STX8: variants seen among roughly 807,000 people sequenced by gnomAD.
STX8 encodes syntaxin 8, also known as syntaxin-8.
STX8 carries 23 observed loss-of-function variants against 37.5 expected under a neutral mutation model. That is an observed-to-expected ratio of 0.61 (90% CI 0.44 to 0.87). The LOEUF (loss-of-function observed/expected upper bound fraction) is 0.87, where lower values mean the gene tolerates loss of function less well. Ranked by LOEUF, STX8 falls within the 40% of genes least tolerant of loss-of-function variation. The pLI is 0.00. For missense variants in STX8, 313 were observed against 284.7 expected (o/e 1.10, Z -0.71); for synonymous variants, 115 against 99.1 (o/e 1.16, Z -0.95).
intron 7 of STX8, among the ~76,000 whole-genome samples, chr17:9,298,678 G>A (rs1376633999): frequency 6.6e-6 from 1 of 152,154 alleles, no homozygotes; most frequent in Non-Finnish European, 1.5e-5. Context: ...CGGGTGTGGT[G>A]GCGGACATCT....
intron 7 of STX8, among the ~76,000 whole-genome samples, chr17:9,255,293 A>G (rs1471414599): frequency 2.6e-5 from 3 of 116,360 alleles, no homozygotes; most frequent in African/African-American, 8.4e-5. Context: ...TTGGGAGGCC[A>G]AGGCGGGCGG....
intron 6 of STX8, among the ~76,000 whole-genome samples, chr17:9,442,921 GT>G (rs921527239): frequency 6.6e-6 from 1 of 152,138 alleles, no homozygotes; most frequent in African/African-American, 2.4e-5. Flanking sequence ...AGTCAGTCAG[GT>G]ATGGATGATA....
intron 6 of STX8, among the ~76,000 whole-genome samples, chr17:9,418,154 C>T (rs1400415593): frequency 6.6e-6 from 1 of 152,178 alleles, no homozygotes; most frequent in African/African-American, 2.4e-5. Context: ...GCCCTTCAAA[C>T]TGTGGAGTCT....
intron 7 of STX8, among the ~76,000 whole-genome samples, chr17:9,370,689 C>T (rs1306029464): frequency 1.3e-5 from 2 of 152,186 alleles, no homozygotes; most frequent in African/African-American, 4.8e-5. Flanking sequence ...CAAGACTGTA[C>T]ATCCACCCGA....
In STX8 at chr17:9,463,000, T is replaced by C. The variant is rs1304738659; in HGVS notation, c.541+28829A>G. On this transcript the variant is annotated intron_variant, in intron 6 of 7. Coordinates refer to ENST00000306357, the MANE Select transcript of STX8 (RefSeq NM_004853.3). ...CCTTATAAAGTCCAAGGAATAATAT[T>C]CATCCACCCTGGCAGGAAAGGTAAA... Among the ~76,000 whole-genome samples the C allele has an allele frequency of 6.6e-5, 10 of 152,128 alleles. 1 individual carries two copies.
At chr17:9,263,716 G>A (rs1217385179) in intron 7 of STX8, among the ~76,000 whole-genome samples, 2 of 152,188 alleles carry the variant, frequency 1.3e-5, no homozygotes, top group Admixed American at 6.5e-5. Context: ...ACGTGTACAC[G>A]AATTTCTGTA....
chr17:9,368,143 T>C (rs1911288615), intron 7 of STX8, among the ~76,000 whole-genome samples: 1 of 152,326 alleles, frequency 6.6e-6, no homozygotes. Flanking sequence ...TCCCTAAAAA[T>C]TCTACTTAAC....
At chr17:9,559,758 A>ATTTTTTTTTTTTT (rs1159388418) in intron 2 of STX8, among the ~76,000 whole-genome samples, 2 of 28,368 alleles carry the variant, frequency 7.1e-5, no homozygotes, top group African/African-American at 2.7e-4. Flanking sequence ...ATATATATAT[A>ATTTTTTTTTTTTT]TATTTTTTTT....
chr17:9,359,239 C>T (rs1427795644), intron 7 of STX8, among the ~76,000 whole-genome samples: 1 of 151,754 alleles, frequency 6.6e-6, no homozygotes, highest in Non-Finnish European at 1.5e-5. Flanking sequence ...GATGGGGTTT[C>T]AACATGTTGG....
At chr17:9,264,984 TG>T (rs1907181353) in intron 7 of STX8, among the ~76,000 whole-genome samples, 1 of 151,904 alleles carries the variant, frequency 6.6e-6, no homozygotes, top group South Asian at 2.1e-4. Flanking sequence ...CTAGGTGTGA[TG>T]GCACACACCT....
chr17:9,426,229 C>T (rs1913623823), intron 6 of STX8, among the ~76,000 whole-genome samples: 1 of 151,952 alleles, frequency 6.6e-6, no homozygotes, highest in Non-Finnish European at 1.5e-5. Flanking sequence ...AGTGTAAGAG[C>T]TCAAGACCTG....
intron 6 of STX8, among the ~76,000 whole-genome samples, chr17:9,389,675 T>A (rs904192137): frequency 6.6e-6 from 1 of 152,202 alleles, no homozygotes; most frequent in African/African-American, 2.4e-5. Flanking sequence ...GGTGCCTTTT[T>A]ATACTCATAA....
At chr17:9,462,457 C>T (rs1381718405) in intron 6 of STX8, among the ~76,000 whole-genome samples, 1 of 152,168 alleles carries the variant, frequency 6.6e-6, no homozygotes, top group Non-Finnish European at 1.5e-5. Flanking sequence ...TGCAGTGGCT[C>T]ACGCTTGTAA....
In STX8 at chr17:9,250,591, C is replaced by A; in HGVS notation, c.698G>T (p.Trp233Leu). The change falls in exon 8 of 8, where the codon TGG (tryptophan) becomes TTG (leucine). Residue 233 changes from tryptophan (W) to leucine (L), a missense_variant. Coordinates refer to ENST00000306357, the MANE Select transcript of STX8 (RefSeq NM_004853.3). ...TCTTTACTGCCATCAGTTGGTCGGC[C>A]AGACTGCAACAACCACGATAGCCAC... ...LLVAIVVVAVWPTN is the reference protein window; with the variant it reads ...LLVAIVVVAVLPTN 1 of 1,596,486 alleles carries A rather than the reference C, an allele frequency of 6.3e-7. No individual in the cohort carries two copies. Among genetic ancestry groups the A allele is most frequent in the East Asian group, 2.2e-5 (1 of 44,494 alleles).
Position 9,504,697 on chromosome 17 carries a change from G to A in STX8, c.448+341C>T, listed in dbSNP as rs1481482489. On this transcript the variant is annotated intron_variant, in intron 5 of 7. Transcript: ENST00000306357. ...GGCTCCAGTAGAAAATCTGGTGGCC[G>A]GGCACGGTGGCTCACACCTGTAATC... Among the ~76,000 whole-genome samples the A allele has an allele frequency of 2.6e-5, 4 of 152,192 alleles. No homozygotes were observed. The South Asian group carries it at 6.2e-4, about 24-fold the overall frequency.
intron 6 of STX8, among the ~76,000 whole-genome samples, chr17:9,388,824 A>C (rs1912108817): frequency 6.6e-6 from 1 of 151,928 alleles, no homozygotes; most frequent in East Asian, 1.9e-4. Flanking sequence ...AAAAAAAAAA[A>C]AAAAACCATA....
At chr17:9,516,523 C>A (rs889357522) in intron 4 of STX8, among the ~76,000 whole-genome samples, 2 of 151,664 alleles carry the variant, frequency 1.3e-5, no homozygotes, top group Non-Finnish European at 2.9e-5. Context: ...GGTGTTTCTA[C>A]TTTCCTGATG....
At chr17:9,451,493 C>A (rs1256707004) in intron 6 of STX8, among the ~76,000 whole-genome samples, 2 of 152,012 alleles carry the variant, frequency 1.3e-5, no homozygotes, top group Non-Finnish European at 2.9e-5. Flanking sequence ...AGCTATGACC[C>A]CTGCTAGGGT....
intron 3 of STX8, among the ~76,000 whole-genome samples, chr17:9,546,479 C>A (rs373766986): frequency 3.7e-3 from 2 of 542 alleles, no homozygotes; most frequent in Non-Finnish European, 0.01. Context: ...GAATGCGGCG[C>A]GTGCGCATGA....
Sources: allele counts gnomAD v4.1 joint callset (sites outside exome capture counted in the v4.1 genomes callset), GRCh38; gene constraint gnomAD v4.1.1; transcripts MANE v1.5; gene names NCBI Gene and HGNC (gene_info 2026-07-23, HGNC 2026-07-21).